RALGAPA2: variants seen among roughly 807,000 people sequenced by gnomAD.
RALGAPA2 encodes ral GTPase-activating protein subunit alpha-2.
Under a neutral mutation model 230.4 loss-of-function variants are expected in RALGAPA2, and 139 were observed. The ratio of observed to expected loss-of-function variants is 0.60; its 90% CI spans 0.53 to 0.69. The LOEUF (loss-of-function observed/expected upper bound fraction) is 0.69, where lower values mean the gene tolerates loss of function less well. Ranked by LOEUF, RALGAPA2 falls within the 30% of genes least tolerant of loss-of-function variation. The probability of loss-of-function intolerance (pLI) is 0.00; values close to 1 mark genes in which losing one functional copy is unlikely to be tolerated. For synonymous variants in RALGAPA2, 847 were observed against 837.8 expected (o/e 1.01, Z -0.19); for missense variants, 2,163 against 2,276.0 (o/e 0.95, Z 1.01).
At chr20:20,406,948 A>C (rs2059959233) in intron 38 of RALGAPA2, among the ~76,000 whole-genome samples, 1 of 151,830 alleles carries the variant, frequency 6.6e-6, no homozygotes, top group Non-Finnish European at 1.5e-5. Context: ...GTAAAATTTG[A>C]CTCTGGCCTT....
At chr20:20,711,559 C>T (rs1225404690) in intron 1 of RALGAPA2, among the ~76,000 whole-genome samples, 1 of 152,106 alleles carries the variant, frequency 6.6e-6, no homozygotes, top group Non-Finnish European at 1.5e-5. Context: ...TTGTGGACAC[C>T]TCACACCCAC....
chr20:20,509,408 C>T (rs2062634414), intron 33 of RALGAPA2, among the ~76,000 whole-genome samples: 1 of 152,142 alleles, frequency 6.6e-6, no homozygotes, highest in South Asian at 2.1e-4. Flanking sequence ...AGAATGGCTC[C>T]TTTATCCAGG....
intron 14 of RALGAPA2, among the ~76,000 whole-genome samples, chr20:20,607,130 T>A (rs2065845775): frequency 6.6e-6 from 1 of 152,228 alleles, no homozygotes. Context: ...TTTGCGTAGG[T>A]GAGTTCACTT....
At chr20:20,409,008 G>C (rs2060004772) in intron 38 of RALGAPA2, among the ~76,000 whole-genome samples, 1 of 152,154 alleles carries the variant, frequency 6.6e-6, no homozygotes, top group Admixed American at 6.5e-5. Context: ...ATTTTGTTTT[G>C]AAAGCTCTTT....
intron 33 of RALGAPA2, among the ~76,000 whole-genome samples, chr20:20,508,664 C>A (rs192206900): frequency 1.8e-4 from 28 of 152,248 alleles, no homozygotes; most frequent in Admixed American, 1.8e-3. Flanking sequence ...CAGAATTAAA[C>A]AGAAATGTTC....
intron 23 of RALGAPA2, among the ~76,000 whole-genome samples, chr20:20,557,994 T>C (rs1056774903): frequency 2.0e-5 from 3 of 152,112 alleles, no homozygotes; most frequent in African/African-American, 7.2e-5. Context: ...TGCACAGTAC[T>C]ATTTTTTCAA....
rs192131644 is a variant in RALGAPA2 at position 20,709,855 on chromosome 20, T to A, written c.106+2520A>T. 4.8e-4 allele frequency among the ~76,000 whole-genome samples: 73 copies of A among 152,280 alleles called. No individual in the cohort carries two copies. The East Asian group carries it at 0.013, about 26-fold the overall frequency. ...CTACTTTTTAGGAAAAGAGAACAAA[T>A]TCATCACTATTATCAAAAATAAGAA... On this transcript the variant is annotated intron_variant, in intron 1 of 39. Coordinates refer to ENST00000202677, the MANE Select transcript of RALGAPA2 (RefSeq NM_020343.4).
In RALGAPA2 at chr20:20,390,425, A is replaced by G. The variant is rs2059585362; in HGVS notation, c.*2864T>C. 6.6e-6 allele frequency: 1 copy of G among 152,190 alleles called. No homozygotes were observed. The highest frequency in any genetic ancestry group is 1.5e-5 in the Non-Finnish European group (1 of 68,026). The allele number at this position is 152,190 out of a possible 1,614,324, so 9.4% of individuals were successfully genotyped here. ...AGTACGAAAGCCTAAGTACAATGAGACGATAAACATCAGCTTTGCTCTGGA... is the reference window on the plus strand; with the variant it reads ...AGTACGAAAGCCTAAGTACAATGAGGCGATAAACATCAGCTTTGCTCTGGA... On this transcript the variant is annotated 3_prime_UTR_variant, in exon 40 of 40. Coordinates refer to ENST00000202677, the MANE Select transcript of RALGAPA2 (RefSeq NM_020343.4).
intron 33 of RALGAPA2, among the ~76,000 whole-genome samples, chr20:20,508,613 AGAAG>A (rs1311685770): frequency 7.9e-5 from 12 of 152,350 alleles, no homozygotes; most frequent in Non-Finnish European, 1.8e-4. Context: ...GAACATGTTA[AGAAG>A]GAACTATACA....
At chr20:20,614,189 T>C (rs1568651273) in intron 13 of RALGAPA2, among the ~76,000 whole-genome samples, 1 of 152,214 alleles carries the variant, frequency 6.6e-6, no homozygotes, top group Non-Finnish European at 1.5e-5. Flanking sequence ...CACACTCTTT[T>C]CTATGCTCTA....
chr20:20,679,714 C>T (rs2068456751), intron 2 of RALGAPA2, among the ~76,000 whole-genome samples: 1 of 152,178 alleles, frequency 6.6e-6, no homozygotes, highest in African/African-American at 2.4e-5. Flanking sequence ...ACCTGAAATC[C>T]TGCTGTCCTT....
chr20:20,403,318 T>C (rs948452775), intron 38 of RALGAPA2, among the ~76,000 whole-genome samples: 6 of 152,242 alleles, frequency 3.9e-5, no homozygotes, highest in African/African-American at 1.4e-4. Flanking sequence ...AAACCCACTT[T>C]CGTGGGCTTT....
rs751122875 is a variant in RALGAPA2 at position 20,531,789 on chromosome 20, A to T, written c.3480T>A (p.Ile1160=). 8.1e-6 allele frequency: 13 copies of T among 1,597,276 alleles called. No individual in the cohort carries two copies. The highest frequency in any genetic ancestry group is 1.1e-5 in the Non-Finnish European group (13 of 1,171,366). The change falls in exon 27 of 40, where the codon ATT becomes ATA. Residue 1160 remains isoleucine, a synonymous_variant. Coordinates refer to ENST00000202677, the MANE Select transcript of RALGAPA2 (RefSeq NM_020343.4). ...TEEPNEYARC[I]AVCSLGVWIC... ...TCCAGACCCCAAGGGAGCAAACAGC[A>T]ATGCATCTTTTTAAAAAGAAGAAAA...
intron 39 of RALGAPA2, 79 bp downstream of exon 39, chr20:20,396,616 G>C (rs557506259): frequency 2.2e-6 from 3 of 1,346,852 alleles, no homozygotes; most frequent in Admixed American, 2.1e-5. Flanking sequence ...GTCCGCTACC[G>C]AGGGCAGCCG....
chr20:20,407,164 T>C (rs1411194354), intron 38 of RALGAPA2, among the ~76,000 whole-genome samples: 1 of 152,164 alleles, frequency 6.6e-6, no homozygotes, highest in Non-Finnish European at 1.5e-5. Context: ...ACATGATCTT[T>C]CCTGAAGTCC....
At chr20:20,468,941 CTGTGTGTGTGTGTGTGTGTGTT>C (rs2061479099) in intron 37 of RALGAPA2, among the ~76,000 whole-genome samples, 3 of 148,060 alleles carry the variant, frequency 2.0e-5, no homozygotes, top group Admixed American at 2.0e-4. Flanking sequence ...CACCTCCATC[CTGTGTGTGTGTGTGTGTGTGTT>C]TGTGTGTGTG....
chr20:20,662,894 G>A (rs535452569), intron 3 of RALGAPA2, among the ~76,000 whole-genome samples: 12 of 152,312 alleles, frequency 7.9e-5, no homozygotes, highest in Admixed American at 7.2e-4. Flanking sequence ...AGGCAAGGAA[G>A]AGCATTTCAG....
intron 3 of RALGAPA2, among the ~76,000 whole-genome samples, chr20:20,658,037 C>T (rs1400728274): frequency 6.6e-6 from 1 of 152,202 alleles, no homozygotes; most frequent in Non-Finnish European, 1.5e-5. Flanking sequence ...TGCTTAGATA[C>T]TGTCAGTCTG....
intron 34 of RALGAPA2, 66 bp from the exon 35 acceptor site, chr20:20,503,572 C>T (rs1318529320): frequency 1.6e-6 from 2 of 1,236,982 alleles, no homozygotes; most frequent in African/African-American, 1.6e-5. Context: ...CTAAGCAGGA[C>T]TGTGAATTCA....
Sources: allele counts gnomAD v4.1 joint callset (sites outside exome capture counted in the v4.1 genomes callset), GRCh38; gene constraint gnomAD v4.1.1; transcripts MANE v1.5; gene names NCBI Gene and HGNC (gene_info 2026-07-23, HGNC 2026-07-21).